The following ITGA5 variants were observed in gnomAD, a reference collection of about 807,000 sequenced individuals.
The protein encoded by ITGA5 is integrin alpha-5.
Under a neutral mutation model 146.3 loss-of-function variants are expected in ITGA5, and 55 were observed. The observed-to-expected ratio is 0.38, with a 90% confidence interval of 0.30 to 0.47. ITGA5 has a LOEUF of 0.47. ITGA5 is among the 20% of genes least tolerant of loss of function. The probability of loss-of-function intolerance (pLI) is 0.99; values close to 1 mark genes in which losing one functional copy is unlikely to be tolerated. For synonymous variants in ITGA5, 500 were observed against 531.8 expected (o/e 0.94, Z 0.82); for missense variants, 1,131 against 1,329.0 (o/e 0.85, Z 2.32).
chr12:54,416,682 G>A lies in ITGA5; in HGVS notation c.218+2299C>T, dbSNP rs749902972. Reference sequence around the variant, plus strand: ...TTTCTCATTTAGTCCTCAGAACTCCGTTAGTCAGGTGTCTGATTTTCACGG... The same window carrying A: ...TTTCTCATTTAGTCCTCAGAACTCCATTAGTCAGGTGTCTGATTTTCACGG... On this transcript the variant is annotated intron_variant, in intron 1 of 29. Coordinates refer to ENST00000293379, the MANE Select transcript of ITGA5 (RefSeq NM_002205.5). This position sits in a 1 kb window ranked among gnomAD's most constrained non-coding sequence, Gnocchi z 4.1. 3.9e-5 allele frequency among the ~76,000 whole-genome samples: 6 copies of A among 152,138 alleles called. No individual in the cohort carries two copies. The highest frequency in any genetic ancestry group is 5.9e-5 in the Non-Finnish European group (4 of 68,028).
intron 12 of ITGA5, 123 bp from the exon 13 acceptor site, chr12:54,405,017 T>C (rs1452722183): frequency 2.5e-6 from 3 of 1,199,034 alleles, no homozygotes; most frequent in Non-Finnish European, 3.5e-6. Context: ...TATTCTAATC[T>C]TCAAATCCCA....
chr12:54,408,242 A>G lies in ITGA5; in HGVS notation c.692-7T>C, dbSNP rs1451726706. The G allele has an allele frequency of 6.2e-7, 1 of 1,613,576 alleles. No individual in the cohort carries two copies. Among genetic ancestry groups the G allele is most frequent in the South Asian group, 1.1e-5 (1 of 91,062 alleles). ...GTGGCAGACAGGATCTGGCCTGGAGAGAGTATGAAGAGGGAGTAGATGGAG... is the reference window on the plus strand; with the variant it reads ...GTGGCAGACAGGATCTGGCCTGGAGGGAGTATGAAGAGGGAGTAGATGGAG... On this transcript the variant is annotated splice_polypyrimidine_tract_variant and splice_region_variant and intron_variant, in intron 6 of 29. Transcript: ENST00000293379.
Position 54,404,097 on chromosome 12 carries a change from G to A in ITGA5, c.1565+48C>T, listed in dbSNP as rs376506965. ...TTTTTAAGGCAGACTTGGTGCCCCTGCCCACTCCCAGGCTCAGGTCTCTGC... is the reference window on the plus strand; with the variant it reads ...TTTTTAAGGCAGACTTGGTGCCCCTACCCACTCCCAGGCTCAGGTCTCTGC... On this transcript the variant is annotated intron_variant, in intron 15 of 29. Transcript: ENST00000293379. 30 of 1,564,646 alleles carry A rather than the reference G, an allele frequency of 1.9e-5. No homozygotes were observed. In the African/African-American group the frequency reaches 3.7e-4, roughly 19 times the overall value.
chr12:54,409,616 G>C lies in ITGA5; in HGVS notation c.350-19C>G, dbSNP rs1222884122. The C allele has an allele frequency of 6.4e-7, 1 of 1,556,052 alleles. No homozygotes were observed. The highest frequency in any genetic ancestry group is 2.2e-5 in the East Asian group (1 of 44,514). On this transcript the variant is annotated intron_variant, in intron 2 of 29. Transcript: ENST00000293379. The surrounding 1 kb of genome is among the most constrained non-coding windows in gnomAD (Gnocchi z 4.7). ...CGAGAGCCTTGTGGAAGTGAGAAGG[G>C]GGAGTCTTACTGAGCCATGGACATT...
chr12:54,396,765 C>T (rs1226793229), intron 29 of ITGA5, among the ~76,000 whole-genome samples: 1 of 152,138 alleles, frequency 6.6e-6, no homozygotes, highest in Non-Finnish European at 1.5e-5. Flanking sequence ...CTCACTGTAG[C>T]CTCAAACTCC....
At chr12:54,405,527 G>A in intron 11 of ITGA5, 137 bp downstream of exon 11, 1 of 1,028,904 alleles carries the variant, frequency 9.7e-7, no homozygotes, top group South Asian at 1.5e-5. Flanking sequence ...TTGTCCCTGA[G>A]CAAGGGGAAT....
At chr12:54,400,246 G>C (rs1197811974) in intron 25 of ITGA5, 3 of 374,350 alleles carry the variant, frequency 8.0e-6, no homozygotes, top group Admixed American at 4.2e-5. Flanking sequence ...CTTATAGACA[G>C]GTTCAACCTT....
intron 15 of ITGA5, 33 bp downstream of exon 15, chr12:54,404,112 C>G (rs534172106): frequency 1.3e-6 from 2 of 1,568,268 alleles, no homozygotes; most frequent in Middle Eastern, 1.7e-4. Context: ...CTCCCAGGCT[C>G]AGGTCTCTGC....
At position 54,399,954 on chromosome 12, in the gene ITGA5, A is replaced by G; in HGVS notation, c.2644-7T>C. On this transcript the variant is annotated splice_region_variant and splice_polypyrimidine_tract_variant and intron_variant, in intron 25 of 29. Transcript: ENST00000293379. ...GGGAACCCTCGGGATCCAACTATAA[A>G]AGAAAGTGTTGGGCCCCTTTCCCAT... The G allele has an allele frequency of 6.2e-7, 1 of 1,610,564 alleles. No individual in the cohort carries two copies. The highest frequency in any genetic ancestry group is 8.5e-7 in the Non-Finnish European group (1 of 1,176,908).
intron 1 of ITGA5, among the ~76,000 whole-genome samples, chr12:54,412,911 C>A (rs1192474761): frequency 6.6e-6 from 1 of 152,202 alleles, no homozygotes; most frequent in African/African-American, 2.4e-5. Context: ...CTCGACCCAG[C>A]CTCTGGACCA....
intron 10 of ITGA5, 33 bp downstream of exon 10, chr12:54,405,837 C>G (rs1955859269): frequency 6.2e-7 from 1 of 1,610,202 alleles, no homozygotes; most frequent in African/African-American, 1.3e-5. Context: ...TTGACAGAGG[C>G]CAAGCTGGGG....
intron 1 of ITGA5, chr12:54,412,556 G>T: frequency 6.6e-6 from 1 of 152,670 alleles, no homozygotes; most frequent in Non-Finnish European, 1.5e-5. Flanking sequence ...CTGGGCCTGG[G>T]CCTGCCCTCA....
intron 15 of ITGA5, 36 bp from the exon 16 acceptor site, chr12:54,404,002 A>G (rs1955826050): frequency 3.1e-6 from 5 of 1,607,270 alleles, no homozygotes; most frequent in Non-Finnish European, 4.3e-6. Context: ...GGTGAATCCA[A>G]CTGGAACAGA....
At chr12:54,415,208 A>C (rs1359658389) in intron 1 of ITGA5, among the ~76,000 whole-genome samples, 1 of 152,248 alleles carries the variant, frequency 6.6e-6, no homozygotes, top group African/African-American at 2.4e-5. Context: ...TTCTTACTAA[A>C]TGCAGGTTGG....
Position 54,403,913 on chromosome 12 carries a change from A to G in ITGA5, c.1619T>C (p.Ile540Thr), listed in dbSNP as rs772305445. ...GAGATCCAGGCAGTCTCCCTCACCA[A>G]TGGAGTCAGCAACGTGTTTTCCAGA... ...NASGKHVADS[I>T]GFTVELQLDW... Residue 540 changes from isoleucine to threonine, a missense_variant and splice_region_variant, in exon 16 of 30, where the codon ATT becomes ACT. By Grantham distance (89) the Ile-to-Thr change is moderately conservative. Transcript: ENST00000293379. This position sits in a 1 kb window ranked among gnomAD's most constrained non-coding sequence, Gnocchi z 4.9. 27 of 1,614,046 alleles carry G rather than the reference A, an allele frequency of 1.7e-5. No individual in the cohort carries two copies. In the East Asian group the frequency reaches 3.8e-4, roughly 23 times the overall value.
chr12:54,396,305 G>A lies in ITGA5; in HGVS notation c.3138C>T (p.Thr1046=). 2 of 1,613,616 alleles carry A rather than the reference G, an allele frequency of 1.2e-6. No individual in the cohort carries two copies. Among genetic ancestry groups the A allele is most frequent in the Non-Finnish European group, 8.5e-7 (1 of 1,179,514 alleles). ...AAATTGGGAGGACTCAGGCATCAGA[G>A]GTGGCTGGAGGCTTGAGCTGAGCTT... ...MEKAQLKPPA[T]SDA The change falls in exon 30 of 30, where the codon ACC becomes ACT. Residue 1046 remains threonine, a synonymous_variant. Transcript: ENST00000293379.
At position 54,408,862 on chromosome 12, in the gene ITGA5, C is replaced by T. The variant is rs186723474; in HGVS notation, c.645+31G>A. ...CCAATCCCCCCATGTCCACCACCCA[C>T]GGCCCCTTCTCTCCCAGACCACTCT... On this transcript the variant is annotated intron_variant, in intron 5 of 29. Transcript: ENST00000293379. 7.0e-5 allele frequency: 113 copies of T among 1,613,342 alleles called. 2 individuals carry two copies. The highest frequency in any genetic ancestry group is 5.3e-4 in the African/African-American group (40 of 75,026).
Position 54,403,959 on chromosome 12 carries a change from G to A in ITGA5, c.1573C>T (p.Leu525Phe). The A allele has an allele frequency of 6.2e-7, 1 of 1,614,186 alleles. No homozygotes were observed. Among genetic ancestry groups the A allele is most frequent in the South Asian group, 1.1e-5 (1 of 91,088 alleles). Residue 525 changes from leucine to phenylalanine, a missense_variant, in exon 16 of 30, where the codon CTT (leucine) becomes TTT (phenylalanine). This residue lies in a region of ITGA5 where 889 missense variants were observed against 1,021.5 expected (regional missense o/e 0.87). Transcript: ENST00000293379. The surrounding 1 kb of genome is among the most constrained non-coding windows in gnomAD (Gnocchi z 4.9). ...LEGNPVACIN[L>F]SFCLNASGKH... ...CCAGAAGCATTGAGGCAGAAGCTAA[G>A]GTTGATGCTGGAGAGAGACCAAGAA...
At position 54,402,236 on chromosome 12, in the gene ITGA5, G is replaced by A. The variant is rs1381530455; in HGVS notation, c.2077C>T (p.Leu693Phe). ...VGEGGAYEAE[L>F]RVTAPPEAEY... ...GCCTCTGGAGGGGCGGTGACCCGAA[G>A]CTCAGCCTCATAGGCGCCACCCTCA... is the stretch of plus-strand genomic sequence containing the variant. Residue 693 changes from leucine (L) to phenylalanine (F), a missense_variant, in exon 20 of 30, where the codon CTT becomes TTT. Leu to Phe is a conservative substitution (Grantham distance 22). Coordinates refer to ENST00000293379, the MANE Select transcript of ITGA5 (RefSeq NM_002205.5). 6.2e-7 allele frequency: 1 copy of A among 1,614,156 alleles called. No individual in the cohort carries two copies. The highest frequency in any genetic ancestry group is 8.5e-7 in the Non-Finnish European group (1 of 1,180,018).
Sources: allele counts gnomAD v4.1 joint callset (sites outside exome capture counted in the v4.1 genomes callset), GRCh38; gene constraint gnomAD v4.1.1; regional missense constraint gnomAD v4.1.1; non-coding constraint Gnocchi (gnomAD v3.1); transcripts MANE v1.5; gene names NCBI Gene and HGNC (gene_info 2026-07-23, HGNC 2026-07-21).